Variants in ZNF423 observed in about 807,000 individuals in gnomAD.
The protein encoded by ZNF423 is Ebf-associated zinc finger protein.
Under a neutral mutation model 95.8 loss-of-function variants are expected in ZNF423, and 12 were observed. That is an observed-to-expected ratio of 0.13 (90% CI 0.08 to 0.20). The LOEUF (loss-of-function observed/expected upper bound fraction) is 0.20, where lower values mean the gene tolerates loss of function less well. Among genes scored for constraint, ZNF423 ranks in the 10% least tolerant of loss-of-function variants. The pLI, the probability that ZNF423 is intolerant of heterozygous loss-of-function variation, is 1.00. For synonymous variants in ZNF423, 749 were observed against 711.9 expected, an observed-to-expected ratio of 1.05 and a Z score of -0.83; for missense variants, 1,316 against 1,737.1, an observed-to-expected ratio of 0.76 and a Z score of 4.31.
intron 1 of ZNF423, among the ~76,000 whole-genome samples, chr16:49,837,080 G>A (rs1013579222): frequency 6.9e-6 from 1 of 144,846 alleles, no homozygotes; most frequent in African/African-American, 2.6e-5. Context: ...ATGTCTGGGG[G>A]ATGGGGGCAG....
intron 3 of ZNF423, chr16:49,707,876 G>C (rs928322967): frequency 6.6e-6 from 1 of 152,104 alleles, no homozygotes; most frequent in African/African-American, 2.4e-5. Context: ...GCAATGGTGC[G>C]ATCTTGGCTC....
chr16:49,623,137 G>A (rs573790204), intron 5 of ZNF423, among the ~76,000 whole-genome samples: 2 of 152,220 alleles, frequency 1.3e-5, no homozygotes, highest in African/African-American at 4.8e-5. Context: ...CAGTGAACTG[G>A]AATCTGCACT....
chr16:49,814,367 G>A (rs2034803796), intron 1 of ZNF423, among the ~76,000 whole-genome samples: 1 of 151,942 alleles, frequency 6.6e-6, no homozygotes, highest in South Asian at 2.1e-4. Flanking sequence ...GGATCGGAGG[G>A]CAAGCAGGAC....
chr16:49,666,566 A>G (rs536264447), intron 3 of ZNF423, among the ~76,000 whole-genome samples: 1 of 152,356 alleles, frequency 6.6e-6, no homozygotes, highest in East Asian at 1.9e-4. Flanking sequence ...ATAACACATT[A>G]CATATGCATG....
chr16:49,539,990 G>T (rs1044272891), intron 5 of ZNF423, among the ~76,000 whole-genome samples: 1 of 152,142 alleles, frequency 6.6e-6, no homozygotes, highest in African/African-American at 2.4e-5. Flanking sequence ...GGATGCAGGA[G>T]CCGCTCTAAG....
chr16:49,705,007 C>T (rs2032305135), intron 3 of ZNF423, among the ~76,000 whole-genome samples: 1 of 152,236 alleles, frequency 6.6e-6, no homozygotes, highest in African/African-American at 2.4e-5. Flanking sequence ...CTGCCTAGCC[C>T]TTCCAGCCTC....
intron 3 of ZNF423, chr16:49,664,142 G>A: frequency 3.0e-6 from 3 of 985,578 alleles, no homozygotes; most frequent in East Asian, 1.1e-4. Flanking sequence ...GATGCCAAGA[G>A]GGCCAGAACC....
At chr16:49,752,882 A>C (rs1391283109) in intron 2 of ZNF423, among the ~76,000 whole-genome samples, 1 of 152,204 alleles carries the variant, frequency 6.6e-6, no homozygotes, top group Non-Finnish European at 1.5e-5. Flanking sequence ...GTGCCAGGCA[A>C]TGTCCTGGGC....
intron 2 of ZNF423, among the ~76,000 whole-genome samples, chr16:49,755,917 C>G (rs911218567): frequency 6.6e-6 from 1 of 152,090 alleles, no homozygotes; most frequent in Non-Finnish European, 1.5e-5. Flanking sequence ...GCTAGGGACC[C>G]GGTGGAGTCA....
At chr16:49,552,498 C>T (rs1217389361) in intron 5 of ZNF423, among the ~76,000 whole-genome samples, 1 of 152,102 alleles carries the variant, frequency 6.6e-6, no homozygotes, top group Admixed American at 6.5e-5. Context: ...ACTACTCCAG[C>T]TTGATATGAA....
chr16:49,603,110 C>A lies in ZNF423; in HGVS notation c.3601+23060G>T, dbSNP rs1971428761. On this transcript the variant is annotated intron_variant, in intron 5 of 7. Transcript: ENST00000563137. The surrounding 1 kb of genome is among the most constrained non-coding windows in gnomAD (Gnocchi z 4.1). ...AAGGGTCTGGATGGGAGGATACCAGCCCATCACCAAGCAGCCTCTCTGTCC... is the reference window on the plus strand; with the variant it reads ...AAGGGTCTGGATGGGAGGATACCAGACCATCACCAAGCAGCCTCTCTGTCC... 6.6e-6 allele frequency among the ~76,000 whole-genome samples: 1 copy of A among 152,176 alleles called. No homozygotes were observed. The highest frequency in any genetic ancestry group is 1.5e-5 in the Non-Finnish European group (1 of 68,024).
intron 7 of ZNF423, among the ~76,000 whole-genome samples, chr16:49,522,576 G>A (rs973734270): frequency 1.3e-5 from 2 of 152,082 alleles, no homozygotes; most frequent in Admixed American, 6.5e-5. Flanking sequence ...TATCCTTCCC[G>A]ACAGGCTCAT....
intron 3 of ZNF423, among the ~76,000 whole-genome samples, chr16:49,682,364 C>G (rs1320500479): frequency 2.6e-5 from 4 of 152,210 alleles, no homozygotes; most frequent in South Asian, 4.1e-4. Flanking sequence ...CCGAGCACAT[C>G]CCACCCCTCC....
intron 1 of ZNF423, among the ~76,000 whole-genome samples, chr16:49,837,679 T>G (rs959345892): frequency 1.3e-5 from 2 of 151,880 alleles, no homozygotes; most frequent in South Asian, 4.2e-4. Context: ...CACTCAAAAC[T>G]CCCCCAGATT....
chr16:49,628,481 C>T (rs1299432230), intron 4 of ZNF423, among the ~76,000 whole-genome samples: 1 of 151,776 alleles, frequency 6.6e-6, no homozygotes, highest in African/African-American at 2.4e-5. Flanking sequence ...CATCCACCTA[C>T]CTATTGTCTG....
At position 49,751,737 on chromosome 16, in the gene ZNF423, A is replaced by C. The variant is rs570194503; in HGVS notation, c.101-20766T>G. ...TGGGCTTCTGAGTGTCGGGAGAGGAAGAAGCAGTACCACCCATGCATGGGC... is the reference window on the plus strand; with the variant it reads ...TGGGCTTCTGAGTGTCGGGAGAGGACGAAGCAGTACCACCCATGCATGGGC... On this transcript the variant is annotated intron_variant, in intron 2 of 7. Coordinates refer to ENST00000563137, the MANE Select transcript of ZNF423 (RefSeq NM_001379286.1). Among the ~76,000 whole-genome samples the C allele has an allele frequency of 2.0e-5, 3 of 152,324 alleles. 1 individual carries two copies. The East Asian group carries it at 5.8e-4, about 29-fold the overall frequency.
At chr16:49,704,097 A>T (rs2032277135) in intron 3 of ZNF423, among the ~76,000 whole-genome samples, 1 of 152,120 alleles carries the variant, frequency 6.6e-6, no homozygotes, top group South Asian at 2.1e-4. Flanking sequence ...GAAAGGGATG[A>T]CTGAGCCCGG....
chr16:49,771,082 G>A (rs1435792524), intron 2 of ZNF423, among the ~76,000 whole-genome samples: 9 of 152,106 alleles, frequency 5.9e-5, no homozygotes, highest in Admixed American at 5.9e-4. Flanking sequence ...GGGCTGAGAG[G>A]TGTTGTTCAG....
At chr16:49,553,974 A>T (rs1353769282) in intron 5 of ZNF423, among the ~76,000 whole-genome samples, 1 of 152,302 alleles carries the variant, frequency 6.6e-6, no homozygotes, top group East Asian at 1.9e-4. Context: ...CTCCAGCCCA[A>T]CACAGTCCCG....
Sources: gnomAD v4.1 joint callset for allele counts (sites outside exome capture counted in the v4.1 genomes callset) on GRCh38, gnomAD v4.1.1 for gene constraint, Gnocchi (gnomAD v3.1) non-coding constraint, MANE v1.5 for transcripts, NCBI Gene and HGNC (gene_info 2026-07-23, HGNC 2026-07-21) for gene names.